Variants in TTC39C observed in about 807,000 individuals in gnomAD.
TTC39C encodes tetratricopeptide repeat domain 39C.
TTC39C carries 33 observed loss-of-function variants against 76.3 expected under a neutral mutation model. The observed-to-expected ratio is 0.43, with a 90% CI of 0.33 to 0.58. TTC39C has a LOEUF of 0.58. TTC39C is among the 20% of genes least tolerant of loss of function. TTC39C has a pLI of 0.04. For missense variants in TTC39C, 595 were observed against 701.4 expected (o/e 0.85, Z 1.71); for synonymous variants, 254 against 260.6 (o/e 0.97, Z 0.24).
chr18:24,024,989 C>A (rs946947305), intron 1 of TTC39C, among the ~76,000 whole-genome samples: 1 of 152,160 alleles, frequency 6.6e-6, no homozygotes, highest in African/African-American at 2.4e-5. Context: ...GTGCCTCAGC[C>A]TCCTAATTAA....
chr18:24,017,374 A>C, intron 1 of TTC39C, among the ~76,000 whole-genome samples: 1 of 152,294 alleles, frequency 6.6e-6, no homozygotes. Context: ...TTCCTTATCT[A>C]TAAAATAGGA....
intron 4 of TTC39C, among the ~76,000 whole-genome samples, chr18:24,073,675 C>G (rs1172494096): frequency 6.6e-6 from 1 of 152,090 alleles, no homozygotes; most frequent in African/African-American, 2.4e-5. Flanking sequence ...ACCACCACAC[C>G]TGGCTAATTT....
chr18:24,066,701 T>C (rs1011101261), intron 3 of TTC39C, among the ~76,000 whole-genome samples: 10 of 152,198 alleles, frequency 6.6e-5, no homozygotes, highest in African/African-American at 2.2e-4. Context: ...CTGTTGGATA[T>C]AGTCATCAGA....
chr18:24,027,089 C>T lies in TTC39C; in HGVS notation c.167+12051C>T, dbSNP rs537680247. ...GGTGGGTCACTTGAGGTCAGGAGTTCGAGACCAGCCTGGCCAACATGGTGA... is the reference window on the plus strand; with the variant it reads ...GGTGGGTCACTTGAGGTCAGGAGTTTGAGACCAGCCTGGCCAACATGGTGA... On this transcript the variant is annotated intron_variant, in intron 1 of 13. Transcript: ENST00000317571. 2.0e-5 allele frequency among the ~76,000 whole-genome samples: 3 copies of T among 152,108 alleles called. No homozygotes were observed. In the South Asian group the frequency reaches 6.2e-4, roughly 32 times the overall value.
chr18:24,074,096 T>G (rs563643637), intron 4 of TTC39C, among the ~76,000 whole-genome samples: 1 of 152,294 alleles, frequency 6.6e-6, no homozygotes, highest in Non-Finnish European at 1.5e-5. Flanking sequence ...GGTTTGGCAG[T>G]AGGAACAAAT....
chr18:24,120,695 A>G (rs759001516), intron 8 of TTC39C, among the ~76,000 whole-genome samples: 1 of 152,156 alleles, frequency 6.6e-6, no homozygotes, highest in Non-Finnish European at 1.5e-5. Flanking sequence ...GAAACTCCCC[A>G]TTCACGTTTT....
chr18:24,132,547 C>G lies in TTC39C; in HGVS notation c.1725C>G (p.Ala575=). The change falls in exon 14 of 14, where the codon GCC becomes GCG. Residue 575 remains alanine (A), a synonymous_variant. Coordinates refer to ENST00000317571, the MANE Select transcript of TTC39C (RefSeq NM_001135993.2). ...RLHVRIHAAL[A]SLRELVPQ ...ATGTCCGCATCCATGCTGCTCTGGC[C>G]TCTCTGAGGGAATTGGTTCCTCAGT... is the stretch of plus-strand genomic sequence containing the variant. The G allele has an allele frequency of 6.2e-7, 1 of 1,613,990 alleles. No homozygotes were observed.
intron 6 of TTC39C, among the ~76,000 whole-genome samples, chr18:24,101,110 A>G (rs930636170): frequency 6.6e-6 from 1 of 152,178 alleles, no homozygotes; most frequent in East Asian, 1.9e-4. Context: ...GCAGTAGGCT[A>G]GATAATTTGT....
intron 6 of TTC39C, among the ~76,000 whole-genome samples, chr18:24,105,378 T>A (rs1290317110): frequency 6.6e-6 from 1 of 152,240 alleles, no homozygotes; most frequent in Non-Finnish European, 1.5e-5. Context: ...GGATAGTTGA[T>A]AAAATCTTTA....
chr18:24,102,105 A>G (rs2084683738), intron 6 of TTC39C, among the ~76,000 whole-genome samples: 1 of 152,212 alleles, frequency 6.6e-6, no homozygotes, highest in Non-Finnish European at 1.5e-5. Context: ...TGGGAAGGGT[A>G]AAGCACTAAG....
At chr18:24,099,158 G>T (rs1164852141) in intron 6 of TTC39C, 4 of 150,278 alleles carry the variant, frequency 2.7e-5, no homozygotes, top group African/African-American at 4.9e-5. Context: ...GTGTGTCTTA[G>T]TTTGGGCTGC....
intron 6 of TTC39C, among the ~76,000 whole-genome samples, chr18:24,089,983 T>G (rs2084497454): frequency 6.6e-6 from 1 of 152,222 alleles, no homozygotes. Context: ...CTGTTTTACT[T>G]AAAATTATTT....
In TTC39C at chr18:24,085,288, TTC is replaced by T. The variant is rs150487934; in HGVS notation, c.984+2215_984+2216del. Among the ~76,000 whole-genome samples, 1,361 of 152,328 alleles carry T rather than the reference TTC, an allele frequency of 8.9e-3. 21 individuals carry two copies. Among genetic ancestry groups the T allele is most frequent in the African/African-American group, 0.031 (1,291 of 41,574 alleles). On this transcript the variant is annotated intron_variant, in intron 6 of 13. Transcript: ENST00000317571. The stretch of plus-strand genomic sequence containing the variant: ...CCTTAGCTTTGGACATTTGTTAGAA[TTC>T]TCTCTCTTTATTCTGCTGATGAATG...
At position 24,026,008 on chromosome 18, in the gene TTC39C, C is replaced by T. The variant is rs2083595755; in HGVS notation, c.167+10970C>T. 1.3e-5 allele frequency among the ~76,000 whole-genome samples: 2 copies of T among 152,188 alleles called. 1 individual carries two copies. The highest frequency in any genetic ancestry group is 4.1e-4 in the South Asian group (2 of 4,834). ...CTAGTGTTGGGCTCCCTGGGTCCCA[C>T]TGCCCCTAAACACCAGTCACACACA... is the stretch of plus-strand genomic sequence containing the variant. On this transcript the variant is annotated intron_variant, in intron 1 of 13. Transcript: ENST00000317571.
chr18:24,022,677 A>G, intron 1 of TTC39C: 2 of 985,334 alleles, frequency 2.0e-6, no homozygotes, highest in Non-Finnish European at 2.4e-6. Context: ...TTCAGGGGAG[A>G]TGTCACCCCA....
intron 4 of TTC39C, among the ~76,000 whole-genome samples, chr18:24,075,161 G>T (rs1424890814): frequency 6.6e-6 from 1 of 151,724 alleles, no homozygotes; most frequent in Non-Finnish European, 1.5e-5. Context: ...GGGGTGGGGG[G>T]AGTGGGGAGG....
At chr18:24,058,694 T>C (rs949611711) in intron 1 of TTC39C, among the ~76,000 whole-genome samples, 12 of 152,086 alleles carry the variant, frequency 7.9e-5, no homozygotes, top group Admixed American at 4.6e-4. Flanking sequence ...AAGTTCATAA[T>C]AAAAAAAGTT....
At chr18:24,024,695 A>G (rs1234763057) in intron 1 of TTC39C, among the ~76,000 whole-genome samples, 1 of 152,128 alleles carries the variant, frequency 6.6e-6, no homozygotes, top group Non-Finnish European at 1.5e-5. Context: ...CCATCGTTAA[A>G]TCCCTCTGCA....
Position 24,018,256 on chromosome 18 carries a change from G to A in TTC39C, c.167+3218G>A, listed in dbSNP as rs1023694499. Among the ~76,000 whole-genome samples, 4 of 152,282 alleles carry A rather than the reference G, an allele frequency of 2.6e-5. No homozygotes were observed. The East Asian group carries it at 7.7e-4, about 29-fold the overall frequency. On this transcript the variant is annotated intron_variant, in intron 1 of 13. Coordinates refer to ENST00000317571, the MANE Select transcript of TTC39C (RefSeq NM_001135993.2). ...AAGGTTAGGATAGATTTGTCCTGCT[G>A]GAGGGCGCTTCTGCTTTGAACCCAA...
Sources: allele counts gnomAD v4.1 joint callset (sites outside exome capture counted in the v4.1 genomes callset), GRCh38; gene constraint gnomAD v4.1.1; transcripts MANE v1.5; gene names NCBI Gene and HGNC (gene_info 2026-07-23, HGNC 2026-07-21).